TACR3: variants seen among roughly 807,000 people sequenced by gnomAD.
The protein encoded by TACR3 is neuromedin-K receptor.
A neutral mutation model predicts 35.0 loss-of-function variants in TACR3; 34 were observed. That is an observed-to-expected ratio of 0.97 (90% CI 0.74 to 1.30). The LOEUF (loss-of-function observed/expected upper bound fraction) is 1.30. TACR3 is among the 50% of genes most tolerant of loss of function. TACR3 has a pLI of 0.00. For synonymous variants in TACR3, 233 were observed against 221.1 expected (o/e 1.05, Z -0.48); for missense variants, 558 against 591.7 (o/e 0.94, Z 0.59).
At chr4:103,612,228 C>T (rs897013543) in intron 3 of TACR3, among the ~76,000 whole-genome samples, 4 of 152,220 alleles carry the variant, frequency 2.6e-5, no homozygotes, top group Admixed American at 2.0e-4. Flanking sequence ...TTAAAAACAT[C>T]AATAATTTTC....
chr4:103,610,024 G>T (rs1175522825), intron 3 of TACR3, among the ~76,000 whole-genome samples: 1 of 152,034 alleles, frequency 6.6e-6, no homozygotes, highest in Non-Finnish European at 1.5e-5. Context: ...TCTCTTGGTG[G>T]ACACTTAGGT....
intron 3 of TACR3, among the ~76,000 whole-genome samples, chr4:103,638,127 G>A (rs1346249866): frequency 7.2e-5 from 11 of 152,050 alleles, no homozygotes; most frequent in East Asian, 1.9e-4. Flanking sequence ...AGCCCACATC[G>A]CCAAGTCAAT....
chr4:103,639,692 A>G (rs975158817), intron 3 of TACR3, among the ~76,000 whole-genome samples: 1 of 152,060 alleles, frequency 6.6e-6, no homozygotes, highest in Non-Finnish European at 1.5e-5. Context: ...AATAATCAGT[A>G]TAATACAGAG....
intron 1 of TACR3, among the ~76,000 whole-genome samples, chr4:103,687,842 A>G (rs922873664): frequency 2.0e-5 from 3 of 152,196 alleles, no homozygotes; most frequent in Admixed American, 2.0e-4. Flanking sequence ...TTATAGATTC[A>G]ATGCCATCCC....
At chr4:103,619,997 T>C (rs1478436099) in intron 3 of TACR3, among the ~76,000 whole-genome samples, 2 of 152,070 alleles carry the variant, frequency 1.3e-5, no homozygotes. Flanking sequence ...TCACAAACTA[T>C]GTACCTGACA....
At chr4:103,599,783 C>G (rs1045157509) in intron 3 of TACR3, among the ~76,000 whole-genome samples, 1 of 152,178 alleles carries the variant, frequency 6.6e-6, no homozygotes, top group Non-Finnish European at 1.5e-5. Flanking sequence ...GTCGAACCAG[C>G]CTTGCATCCC....
intron 3 of TACR3, among the ~76,000 whole-genome samples, chr4:103,609,356 C>A (rs189833102): frequency 1.8e-4 from 27 of 152,198 alleles, no homozygotes; most frequent in Admixed American, 1.4e-3. Context: ...TATAGAAGCT[C>A]TTGCTGTCTT....
chr4:103,696,008 T>A (rs965165658), intron 1 of TACR3, among the ~76,000 whole-genome samples: 1 of 152,124 alleles, frequency 6.6e-6, no homozygotes, highest in Non-Finnish European at 1.5e-5. Flanking sequence ...TCTTTTCTAT[T>A]CTATTTAGAA....
intron 1 of TACR3, among the ~76,000 whole-genome samples, chr4:103,694,307 G>C (rs1578260583): frequency 6.9e-6 from 1 of 144,680 alleles, no homozygotes; most frequent in East Asian, 1.9e-4. Flanking sequence ...GACTAATCTT[G>C]AGACACACCA....
intron 1 of TACR3, among the ~76,000 whole-genome samples, chr4:103,695,416 AC>A (rs1195671374): frequency 6.6e-6 from 1 of 152,066 alleles, no homozygotes; most frequent in Non-Finnish European, 1.5e-5. Context: ...GAGAATAAAG[AC>A]CTGTATGATG....
chr4:103,645,348 G>C (rs1725435461), intron 3 of TACR3, among the ~76,000 whole-genome samples: 1 of 151,810 alleles, frequency 6.6e-6, no homozygotes, highest in Non-Finnish European at 1.5e-5. Context: ...TTGCTATACT[G>C]GATATTCTCC....
chr4:103,658,242 C>G lies in TACR3; in HGVS notation c.710G>C (p.Trp237Ser). 3 of 1,613,862 alleles carry G rather than the reference C, an allele frequency of 1.9e-6. No individual in the cohort carries two copies. Among genetic ancestry groups the G allele is most frequent in the Non-Finnish European group, 2.5e-6 (3 of 1,179,900 alleles). ...MPGRTLCFVQWPEGPKQHFTY... is the reference protein window; with the variant it reads ...MPGRTLCFVQSPEGPKQHFTY... ...GAAATGTTGTTTGGGACCTTCTGGC[C>G]ATTGCACAAAGCAGAGAGTACGGCC... The change falls in exon 2 of 5, where the codon TGG becomes TCG. Residue 237 changes from tryptophan (W) to serine (S), a missense_variant. Transcript: ENST00000304883.
At chr4:103,658,123 A>G in intron 2 of TACR3, 92 bp downstream of exon 2, 1 of 1,239,928 alleles carries the variant, frequency 8.1e-7, no homozygotes, top group African/African-American at 1.5e-5. Context: ...CCCTGGGGGA[A>G]ATGTCAGTCT....
intron 3 of TACR3, among the ~76,000 whole-genome samples, chr4:103,623,930 G>C (rs946062732): frequency 1.3e-5 from 2 of 151,794 alleles, no homozygotes; most frequent in South Asian, 2.1e-4. Context: ...AGTTCTCCAG[G>C]GTATTTTGTT....
At chr4:103,685,928 G>A (rs554128641) in intron 1 of TACR3, among the ~76,000 whole-genome samples, 7 of 152,264 alleles carry the variant, frequency 4.6e-5, no homozygotes, top group East Asian at 3.9e-4. Context: ...CTCTGCTGCC[G>A]TATTGGAGGG....
chr4:103,694,434 C>T (rs564779945), intron 1 of TACR3, among the ~76,000 whole-genome samples: 13 of 152,104 alleles, frequency 8.5e-5, no homozygotes, highest in Non-Finnish European at 1.5e-4. Context: ...CTCAAGATAG[C>T]CACCGGAATA....
At chr4:103,693,012 A>G (rs1479434701) in intron 1 of TACR3, among the ~76,000 whole-genome samples, 1 of 152,226 alleles carries the variant, frequency 6.6e-6, no homozygotes, top group Non-Finnish European at 1.5e-5. Flanking sequence ...GAAATACAGA[A>G]GAATATACAT....
intron 1 of TACR3, among the ~76,000 whole-genome samples, chr4:103,707,895 T>C (rs999309628): frequency 6.6e-6 from 1 of 152,164 alleles, no homozygotes; most frequent in Non-Finnish European, 1.5e-5. Context: ...CAAGGAGCCT[T>C]ACTCATTGCT....
In TACR3 at chr4:103,686,070, C is replaced by A. The variant is rs201082255; in HGVS notation, c.549-27667G>T. On this transcript the variant is annotated intron_variant, in intron 1 of 4. Coordinates refer to ENST00000304883, the MANE Select transcript of TACR3 (RefSeq NM_001059.3). ...TAGCAGTGTTAGTTGGAGAAAGCAA[C>A]AAATCTGCAGTCTAGTTATAAATTT... is the stretch of plus-strand genomic sequence containing the variant. 2.6e-4 allele frequency among the ~76,000 whole-genome samples: 39 copies of A among 152,270 alleles called. 1 individual carries two copies. In the East Asian group the frequency reaches 6.9e-3, roughly 27 times the overall value.
Sources: allele counts gnomAD v4.1 joint callset (sites outside exome capture counted in the v4.1 genomes callset), GRCh38; gene constraint gnomAD v4.1.1; transcripts MANE v1.5; gene names NCBI Gene and HGNC (gene_info 2026-07-23, HGNC 2026-07-21).